The following ZP3 variants were observed in gnomAD, a reference collection of about 807,000 sequenced individuals.
ZP3 encodes zona pellucida glycoprotein 3.
Under a neutral mutation model 35.6 loss-of-function variants are expected in ZP3, and 21 were observed. The ratio of observed to expected loss-of-function variants is 0.59; its 90% CI spans 0.42 to 0.85. The LOEUF (loss-of-function observed/expected upper bound fraction) is 0.85. Among genes scored for constraint, ZP3 ranks in the 40% least tolerant of loss-of-function variants. The pLI is 0.00. For missense variants in ZP3, 437 were observed against 536.5 expected (o/e 0.81, Z 1.83); for synonymous variants, 207 against 214.5 (o/e 0.96, Z 0.31).
intron 1 of ZP3, among the ~76,000 whole-genome samples, chr7:76,403,781 C>T (rs1804906659): frequency 6.6e-6 from 1 of 152,056 alleles, no homozygotes; most frequent in Non-Finnish European, 1.5e-5. Flanking sequence ...CCTGCCTCAG[C>T]CTCCTGAGTA....
At chr7:76,405,959 T>G (rs1357568377) in intron 1 of ZP3, among the ~76,000 whole-genome samples, 1 of 147,908 alleles carries the variant, frequency 6.8e-6, no homozygotes, top group Non-Finnish European at 1.5e-5. Flanking sequence ...CCTTCCTTCC[T>G]TCCTTCTTCC....
intron 1 of ZP3, among the ~76,000 whole-genome samples, chr7:76,405,815 A>C (rs1383034476): frequency 6.6e-6 from 1 of 152,070 alleles, no homozygotes; most frequent in Non-Finnish European, 1.5e-5. Flanking sequence ...GGCTCGGCCC[A>C]AACCATGACC....
chr7:76,440,802 G>A (rs62475569), intron 7 of ZP3, among the ~76,000 whole-genome samples, 191 bp downstream of exon 7: 29,991 of 151,126 alleles, frequency 0.2, 3,118 homozygotes, highest in South Asian at 0.28. Flanking sequence ...CACCTCGGTG[G>A]CAGCCAGGGA....
rs1402572108 is a variant in ZP3, at chr7:76,405,307, A to T, written c.-67+7510A>T. 8.0e-3 allele frequency among the ~76,000 whole-genome samples: 371 copies of T among 46,154 alleles called. 10 individuals are homozygous for T. The highest frequency in any genetic ancestry group is 0.013 in the African/African-American group (108 of 8,258). 30.3% of individuals were successfully genotyped at this position (46,154 alleles called of 152,430 possible). ...TATATATATATATATATATATATAT[A>T]TATATATATGTATTTTTTTCTTTCT... On this transcript the variant is annotated intron_variant, in intron 1 of 8. Transcript: ENST00000336517.
chr7:76,429,999 T>A (rs1023185222), intron 2 of ZP3, among the ~76,000 whole-genome samples: 9 of 151,900 alleles, frequency 5.9e-5, no homozygotes, highest in African/African-American at 1.9e-4. Flanking sequence ...GACAGGTGGA[T>A]CGCTTGAGGT....
Position 76,433,654 on chromosome 7 carries a change from A to T in ZP3, c.713+7A>T, listed in dbSNP as rs370762507. On this transcript the variant is annotated splice_region_variant and intron_variant, in intron 4 of 7. Transcript: ENST00000394857. Reference sequence around the variant, plus strand: ...CCATCGTGGACTTCCATGGGTGAGCACTGGGCTCCCTGCCTAGAGAACCTT... The same window carrying T: ...CCATCGTGGACTTCCATGGGTGAGCTCTGGGCTCCCTGCCTAGAGAACCTT... 5 of 1,590,322 alleles carry T rather than the reference A, an allele frequency of 3.1e-6. No homozygotes were observed. Among genetic ancestry groups the T allele is most frequent in the Non-Finnish European group, 4.3e-6 (5 of 1,166,218 alleles).
chr7:76,441,586 C>CCG (rs771163870), intron 7 of ZP3, among the ~76,000 whole-genome samples: 4 of 151,948 alleles, frequency 2.6e-5, no homozygotes, highest in Non-Finnish European at 4.4e-5. Flanking sequence ...ACGGGTCTTG[C>CCG]CGTGTTGGCC....
intron 1 of ZP3, among the ~76,000 whole-genome samples, chr7:76,404,879 G>T (rs976495393): frequency 6.6e-6 from 1 of 151,698 alleles, no homozygotes; most frequent in Non-Finnish European, 1.5e-5. Context: ...AGACTAGCCT[G>T]GCCAACATGG....
rs748672253 is a variant in ZP3, at chr7:76,425,051, G to T, written c.87G>T (p.Gln29His). The T allele has an allele frequency of 3.1e-6, 5 of 1,609,804 alleles. No individual in the cohort carries two copies. The South Asian group carries it at 5.5e-5, about 18-fold the overall frequency. Reference protein sequence around the residue: ...LCYPQPLWLLQGGASHPETSV... With the variant: ...LCYPQPLWLLHGGASHPETSV... ...ACCCCCAACCCCTCTGGCTCTTGCA[G>T]GGTGGAGCCAGCCATCCTGAGACGT... Residue 29 changes from glutamine (Q) to histidine (H), a missense_variant, in exon 1 of 8, where the codon CAG becomes CAT. This residue lies in a region of ZP3 where 352 missense variants were observed against 308.4 expected (regional missense o/e 1.14). Coordinates refer to ENST00000394857, the MANE Select transcript of ZP3 (RefSeq NM_001110354.2).
Position 76,429,652 on chromosome 7 carries a change from C to A in ZP3, c.431+19C>A, listed in dbSNP as rs1465171099. 1 of 1,602,744 alleles carries A rather than the reference C, an allele frequency of 6.2e-7. No individual in the cohort carries two copies. The highest frequency in any genetic ancestry group is 2.2e-5 in the East Asian group (1 of 44,658). On this transcript the variant is annotated intron_variant, in intron 2 of 7. Transcript: ENST00000394857. ...ACCCCAGGTCGGTGTGGGACTGACT[C>A]ATGGCCCCTGGTGCAAAAGCCCCTT...
At chr7:76,438,540 A>AAAG (rs1330248241) in intron 5 of ZP3, among the ~76,000 whole-genome samples, 3 of 141,988 alleles carry the variant, frequency 2.1e-5, no homozygotes, top group Non-Finnish European at 3.1e-5. Context: ...CCGTCTCAGA[A>AAAG]AAAAAAAAAA....
intron 1 of ZP3, among the ~76,000 whole-genome samples, chr7:76,418,812 C>T (rs948395903): frequency 2.6e-5 from 4 of 152,058 alleles, no homozygotes; most frequent in Admixed American, 1.3e-4. Context: ...GCGGAGATCG[C>T]GCCACTGCAC....
intron 2 of ZP3, among the ~76,000 whole-genome samples, chr7:76,431,518 G>C (rs909499107): frequency 2.0e-5 from 3 of 152,146 alleles, no homozygotes; most frequent in Admixed American, 2.0e-4. Flanking sequence ...CAGATACCCA[G>C]ACCTGCTTCC....
At chr7:76,408,266 A>G (rs17149199) in intron 1 of ZP3, among the ~76,000 whole-genome samples, 12,014 of 152,168 alleles carry the variant, frequency 0.079, 661 homozygotes, top group Middle Eastern at 0.17. Flanking sequence ...ATCTGGATGC[A>G]GACACAGGGA....
At chr7:76,425,689 G>A (rs879424246) in intron 1 of ZP3, among the ~76,000 whole-genome samples, 2 of 152,172 alleles carry the variant, frequency 1.3e-5, no homozygotes, top group Non-Finnish European at 2.9e-5. Flanking sequence ...AGTGGGCCGG[G>A]TGCAGTGGCT....
rs71085417 is a variant in ZP3, at chr7:76,438,538, GAAAA to G, written c.832-1696_832-1693del. Among the ~76,000 whole-genome samples the G allele has an allele frequency of 3.7e-3, 327 of 88,560 alleles. 2 individuals carry two copies. Among genetic ancestry groups the G allele is most frequent in the Non-Finnish European group, 5.3e-3 (260 of 49,266 alleles). 58.1% of individuals were successfully genotyped at this position (88,560 alleles called of 152,430 possible). On this transcript the variant is annotated intron_variant, in intron 5 of 7. Coordinates refer to ENST00000394857, the MANE Select transcript of ZP3 (RefSeq NM_001110354.2). ...TGGACTAGAGACAGACTCCGTCTCAGAAAAAAAAAAAAAAAAAAAGGGTAGCGGG... is the reference window on the plus strand; with the variant it reads ...TGGACTAGAGACAGACTCCGTCTCAGAAAAAAAAAAAAAAAGGGTAGCGGG...
upstream of ZP3, among the ~76,000 whole-genome samples, chr7:76,423,007 AAGAGAGAG>A (rs747350112): frequency 1.3e-4 from 10 of 76,116 alleles, no homozygotes; most frequent in Non-Finnish European, 1.9e-4. Flanking sequence ...AAAAGAAAGA[AAGAGAGAG>A]AGAGAGAGAG....
chr7:76,406,170 T>A (rs946256657), intron 1 of ZP3, among the ~76,000 whole-genome samples: 5 of 151,626 alleles, frequency 3.3e-5, no homozygotes, highest in Non-Finnish European at 5.9e-5. Context: ...TAGAGATGGG[T>A]TTTCGCCATG....
At chr7:76,422,968 G>C (rs984944535), upstream of ZP3, among the ~76,000 whole-genome samples, 6 of 149,650 alleles carry the variant, frequency 4.0e-5, no homozygotes, top group African/African-American at 1.5e-4. Flanking sequence ...CTGCACTCCA[G>C]CCTGGGCGAC....
Sources: gnomAD v4.1 joint callset for allele counts (sites outside exome capture counted in the v4.1 genomes callset) on GRCh38, gnomAD v4.1.1 for gene constraint, gnomAD v4.1.1 regional missense constraint, MANE v1.5 for transcripts, NCBI Gene and HGNC (gene_info 2026-07-23, HGNC 2026-07-21) for gene names.